Variants in VPS35L observed in about 807,000 individuals in gnomAD.
VPS35L encodes the protein VPS35 endosomal protein-sorting factor-like.
In VPS35L, 83 loss-of-function variants were observed where a neutral mutation model predicts 133.0. The ratio of observed to expected loss-of-function variants is 0.62; its 90% CI spans 0.52 to 0.75. The LOEUF is 0.75. Ranked by LOEUF, VPS35L falls within the 30% of genes least tolerant of loss-of-function variation. The probability of loss-of-function intolerance (pLI) is 0.00; values close to 1 mark genes in which losing one functional copy is unlikely to be tolerated. For missense variants in VPS35L, 1,083 were observed against 1,206.8 expected, an observed-to-expected ratio of 0.90 and a Z score of 1.52; for synonymous variants, 423 against 449.9, an observed-to-expected ratio of 0.94 and a Z score of 0.76.
chr16:19,645,515 TG>T, intron 23 of VPS35L, among the ~76,000 whole-genome samples: 1 of 152,298 alleles, frequency 6.6e-6, no homozygotes, highest in South Asian at 2.1e-4. Context: ...GGTCTCGATC[TG>T]CTGACCTCGT....
chr16:19,611,314 C>T (rs1972712994), intron 12 of VPS35L, among the ~76,000 whole-genome samples: 1 of 152,084 alleles, frequency 6.6e-6, no homozygotes, highest in Non-Finnish European at 1.5e-5. Context: ...TATGGTCTCT[C>T]CATAGTTTTC....
chr16:19,663,714 A>G (rs1974569866), intron 26 of VPS35L, among the ~76,000 whole-genome samples: 1 of 89,136 alleles, frequency 1.1e-5, no homozygotes, highest in East Asian at 2.9e-4. Context: ...TGGAACTTTA[A>G]GCTGTTTTCA....
chr16:19,684,884 T>G (rs1274190798), intron 28 of VPS35L, among the ~76,000 whole-genome samples: 1 of 151,902 alleles, frequency 6.6e-6, no homozygotes, highest in African/African-American at 2.4e-5. Flanking sequence ...TGGCGAAACC[T>G]CATGTATACT....
chr16:19,647,899 A>C lies in VPS35L; in HGVS notation c.2028+17A>C. On this transcript the variant is annotated intron_variant, in intron 24 of 30. Transcript: ENST00000417362. ...TTGATTCATGTAAGTATTTTCATTC[A>C]TTAGTTTCTTCTCTCAGTAAATATT... is the stretch of plus-strand genomic sequence containing the variant. The C allele has an allele frequency of 6.4e-7, 1 of 1,570,888 alleles. No individual in the cohort carries two copies. The highest frequency in any genetic ancestry group is 8.8e-7 in the Non-Finnish European group (1 of 1,140,980).
At chr16:19,578,163 G>T in intron 5 of VPS35L, 1 of 423,564 alleles carries the variant, frequency 2.4e-6, no homozygotes. Context: ...CTGCTCTTGT[G>T]CTACAACAGT....
chr16:19,643,520 G>T (rs1381166526), intron 22 of VPS35L, among the ~76,000 whole-genome samples: 10 of 152,178 alleles, frequency 6.6e-5, no homozygotes, highest in African/African-American at 2.4e-4. Flanking sequence ...CCACGTTCCA[G>T]CCTGTGGGCA....
intron 10 of VPS35L, 40 bp from the exon 11 acceptor site, chr16:19,608,933 AC>A: frequency 6.3e-7 from 1 of 1,584,030 alleles, no homozygotes; most frequent in Non-Finnish European, 8.7e-7. Context: ...TAGGGAGTAG[AC>A]CTTCTGGAAA....
chr16:19,640,154 C>G, intron 21 of VPS35L, 54 bp downstream of exon 21: 2 of 1,520,212 alleles, frequency 1.3e-6, no homozygotes, highest in Non-Finnish European at 1.8e-6. Context: ...CTTGTGAAAC[C>G]TGTTGATAAA....
chr16:19,654,220 C>T (rs1174821942), intron 26 of VPS35L, among the ~76,000 whole-genome samples: 3 of 152,056 alleles, frequency 2.0e-5, no homozygotes, highest in East Asian at 1.9e-4. Flanking sequence ...CTAGAGTAGC[C>T]GCCCTGCCCT....
At chr16:19,690,380 T>C (rs1975626252) in intron 28 of VPS35L, among the ~76,000 whole-genome samples, 1 of 152,196 alleles carries the variant, frequency 6.6e-6, no homozygotes, top group Admixed American at 6.5e-5. Context: ...TGTCCTTGGC[T>C]GGGCCTGTCT....
At chr16:19,571,659 C>T (rs1001832345) in intron 3 of VPS35L, among the ~76,000 whole-genome samples, 2 of 152,072 alleles carry the variant, frequency 1.3e-5, no homozygotes, top group African/African-American at 4.8e-5. Flanking sequence ...ATTCTCCTGC[C>T]TCAGCCTACC....
intron 8 of VPS35L, among the ~76,000 whole-genome samples, chr16:19,597,466 G>A (rs1972253573): frequency 2.0e-5 from 3 of 152,126 alleles, no homozygotes; most frequent in South Asian, 2.1e-4. Flanking sequence ...CCAAGAAACC[G>A]ATAGAAATGG....
chr16:19,670,319 G>A (rs182374945), intron 27 of VPS35L, among the ~76,000 whole-genome samples: 2 of 152,348 alleles, frequency 1.3e-5, no homozygotes, highest in East Asian at 3.9e-4. Flanking sequence ...CCAAGGCAGA[G>A]GTGTCGCCCA....
At chr16:19,610,087 C>T (rs1848651367) in intron 11 of VPS35L, among the ~76,000 whole-genome samples, 2 of 152,084 alleles carry the variant, frequency 1.3e-5, no homozygotes, top group South Asian at 2.1e-4. Flanking sequence ...TTAGCCTCCA[C>T]CACTGAGCAA....
chr16:19,683,016 C>T (rs924704874), intron 28 of VPS35L, among the ~76,000 whole-genome samples: 2 of 152,154 alleles, frequency 1.3e-5, no homozygotes, highest in Non-Finnish European at 2.9e-5. Flanking sequence ...CCTTTACAGC[C>T]CAGGCTGAAG....
At chr16:19,568,166 A>G (rs1043394542) in intron 2 of VPS35L, among the ~76,000 whole-genome samples, 1 of 152,152 alleles carries the variant, frequency 6.6e-6, no homozygotes, top group Non-Finnish European at 1.5e-5. Context: ...GGATATTACA[A>G]AGAATACAGA....
intron 27 of VPS35L, among the ~76,000 whole-genome samples, chr16:19,678,016 G>A (rs1202811025): frequency 6.6e-6 from 1 of 152,196 alleles, no homozygotes; most frequent in African/African-American, 2.4e-5. Context: ...GGTCAGTGAC[G>A]AGCCAGGGTC....
chr16:19,653,888 TTGGTTTTGCTTCTAACTCA>T (rs1452224824), intron 26 of VPS35L, among the ~76,000 whole-genome samples: 8 of 152,282 alleles, frequency 5.3e-5, no homozygotes, highest in Non-Finnish European at 1.0e-4. Context: ...AAAACTCGGC[TTGGTTTTGCTTCTAACTCA>T]TGGGGGACTT....
intron 27 of VPS35L, among the ~76,000 whole-genome samples, chr16:19,676,661 C>T (rs1316856452): frequency 6.6e-6 from 1 of 152,122 alleles, no homozygotes; most frequent in African/African-American, 2.4e-5. Flanking sequence ...GTCTTTTCTC[C>T]TACTTATCCT....
Sources: allele counts gnomAD v4.1 joint callset (sites outside exome capture counted in the v4.1 genomes callset), GRCh38; gene constraint gnomAD v4.1.1; transcripts MANE v1.5; gene names NCBI Gene and HGNC (gene_info 2026-07-23, HGNC 2026-07-21).